The following CBX6 variants were observed in gnomAD, a reference collection of about 807,000 sequenced individuals.
CBX6 encodes the protein chromobox protein homolog 6.
In CBX6, 7 loss-of-function variants were observed where a neutral mutation model predicts 28.4. The observed-to-expected ratio is 0.25, with a 90% confidence interval of 0.14 to 0.46. CBX6 has a LOEUF of 0.46. CBX6 is among the 20% of genes least tolerant of loss of function. The pLI is 0.99. For missense variants in CBX6, 512 were observed against 606.1 expected (o/e 0.84, Z 1.63); for synonymous variants, 297 against 273.4 (o/e 1.09, Z -0.85).
rs776481963 is a variant in CBX6 at position 38,867,113 on chromosome 22, G to C, written c.335C>G (p.Ser112Cys). The C allele has an allele frequency of 6.3e-7, 1 of 1,591,170 alleles. No homozygotes were observed. The highest frequency in any genetic ancestry group is 8.5e-7 in the Non-Finnish European group (1 of 1,171,266). ...SASASSPKLH[S>C]SAAVHRLKKD... is the part of the protein sequence containing the mutation. ...CTTGAGCCGGTGCACGGCTGCGCTG[G>C]AGTGCAGCTTGGGCGAGGAGGCACT... Residue 112 changes from serine (S) to cysteine (C), a missense_variant, in exon 5 of 5, where the codon TCC becomes TGC. By Grantham distance (112) the Ser-to-Cys change is moderately radical. Around this residue, in one of 7 missense-constraint regions of CBX6, gnomAD observed 123 missense variants for 138.1 expected, o/e 0.89. Transcript: ENST00000407418.
chr22:38,871,422 TGCTGTGCCGGGGCTGGGGGCCCGA>T lies in CBX6; in HGVS notation c.246+34_246+57del. On this transcript the variant is annotated intron_variant, in intron 4 of 4. Coordinates refer to ENST00000407418, the MANE Select transcript of CBX6 (RefSeq NM_014292.5). The surrounding 1 kb of genome is among the most constrained non-coding windows in gnomAD (Gnocchi z 5.6). Reference sequence around the variant, plus strand: ...ATCTGTCCCTCCCTTCCAGGCCCCGTGCTGTGCCGGGGCTGGGGGCCCGAGAGGGGGATGCTGCTGGGGCTGGGC... The same window carrying T: ...ATCTGTCCCTCCCTTCCAGGCCCCGTGAGGGGGATGCTGCTGGGGCTGGGC... The T allele has an allele frequency of 6.6e-7, 1 of 1,506,878 alleles. No individual in the cohort carries two copies. The highest frequency in any genetic ancestry group is 1.2e-5 in the South Asian group (1 of 83,072). 93.3% of individuals were successfully genotyped at this position (1,506,878 alleles called of 1,614,324 possible). A position where few individuals can be genotyped will look rare whatever the true frequency, so the allele number is the denominator to read the frequency against.
rs1352645057 is a variant in CBX6 at position 38,871,943 on chromosome 22, T to A, written c.72A>T (p.Gly24=). 2.9e-5 allele frequency: 42 copies of A among 1,466,112 alleles called. No individual in the cohort carries two copies. In the East Asian group the frequency reaches 1.1e-3, roughly 37 times the overall value. 90.8% of individuals were successfully genotyped at this position (1,466,112 alleles called of 1,614,324 possible). A position where few individuals can be genotyped will look rare whatever the true frequency, so the allele number is the denominator to read the frequency against. ...TCCATTTCACCAGGTACTCGATGCG[T>A]CCCTGAAAAACAGAGGGGAGAAAAA... ...ESIIKRRIRK[G]RIEYLVKWKG... is the part of the protein sequence containing the mutation. The change falls in exon 2 of 5, where the codon GGA becomes GGT. Residue 24 remains glycine, a splice_region_variant and synonymous_variant. Transcript: ENST00000407418. The surrounding 1 kb of genome is among the most constrained non-coding windows in gnomAD (Gnocchi z 5.6).
In CBX6 at chr22:38,866,640, C is replaced by T; in HGVS notation, c.808G>A (p.Ala270Thr). ...CAGCCGGAGGAGCCAGAGCTGCGGGCGTCGTAGGGGGCGGCGGGGGCGGCC... is the reference window on the plus strand; with the variant it reads ...CAGCCGGAGGAGCCAGAGCTGCGGGTGTCGTAGGGGGCGGCGGGGGCGGCC... ...LLAAPAAPYDARSSGSSGCPS... is the reference protein window; with the variant it reads ...LLAAPAAPYDTRSSGSSGCPS... The change falls in exon 5 of 5, where the codon GCC becomes ACC. Residue 270 changes from alanine to threonine, a missense_variant. Ala to Thr is a moderately conservative substitution (Grantham distance 58). Coordinates refer to ENST00000407418, the MANE Select transcript of CBX6 (RefSeq NM_014292.5). This position sits in a 1 kb window ranked among gnomAD's most constrained non-coding sequence, Gnocchi z 7.5. 3 of 1,328,344 alleles carry T rather than the reference C, an allele frequency of 2.3e-6. No homozygotes were observed. Among genetic ancestry groups the T allele is most frequent in the South Asian group, 2.6e-5 (2 of 78,154 alleles). The allele number at this position is 1,328,344 out of a possible 1,614,324, so 82.3% of individuals were successfully genotyped here. A position where few individuals can be genotyped will look rare whatever the true frequency, so the allele number is the denominator to read the frequency against.
rs2093183325 is a variant in CBX6, at chr22:38,871,969, C to CGGGGGT, written c.70-30_70-25dup. 1.2e-5 allele frequency: 16 copies of CGGGGGT among 1,355,794 alleles called. No homozygotes were observed. Among genetic ancestry groups the CGGGGGT allele is most frequent in the African/African-American group, 5.9e-5 (4 of 67,790 alleles). 84.0% of individuals were successfully genotyped at this position (1,355,794 alleles called of 1,614,324 possible). A position where few individuals can be genotyped will look rare whatever the true frequency, so the allele number is the denominator to read the frequency against. ...CCCTGAAAAACAGAGGGGAGAAAAA[C>CGGGGGT]GGGGGTGGGGGTGGGGAGGATGCGG... On this transcript the variant is annotated intron_variant, in intron 1 of 4. Coordinates refer to ENST00000407418, the MANE Select transcript of CBX6 (RefSeq NM_014292.5). The surrounding 1 kb of genome is among the most constrained non-coding windows in gnomAD (Gnocchi z 5.6).
Position 38,872,117 on chromosome 22 carries a change from C to A in CBX6, c.69+5G>T. The A allele has an allele frequency of 7.2e-7, 1 of 1,394,468 alleles. No individual in the cohort carries two copies. The highest frequency in any genetic ancestry group is 9.4e-7 in the Non-Finnish European group (1 of 1,059,804). 86.4% of individuals were successfully genotyped at this position (1,394,468 alleles called of 1,614,324 possible). ...AGCGGCGGCCCGCCCCGGGCGGCGGCTCACCTTTCGGATCCGCCGTTTGAT... is the reference window on the plus strand; with the variant it reads ...AGCGGCGGCCCGCCCCGGGCGGCGGATCACCTTTCGGATCCGCCGTTTGAT... On this transcript the variant is annotated splice_donor_5th_base_variant and intron_variant, in intron 1 of 4. Transcript: ENST00000407418. The surrounding 1 kb of genome is among the most constrained non-coding windows in gnomAD (Gnocchi z 5.0).
Position 38,867,209 on chromosome 22 carries a change from C to T in CBX6, c.247-8G>A, listed in dbSNP as rs1273251198. 1.1e-6 allele frequency: 1 copy of T among 892,222 alleles called. No homozygotes were observed. The highest frequency in any genetic ancestry group is 1.6e-6 in the Non-Finnish European group (1 of 640,860). The allele number at this position is 892,222 out of a possible 1,614,324, so 55.3% of individuals were successfully genotyped here. On this transcript the variant is annotated splice_polypyrimidine_tract_variant and splice_region_variant and intron_variant, in intron 4 of 4. Transcript: ENST00000407418. ...CTCGGCCTGGGCCCGCGCCTGCGGGCAGAGGGAGGGGTGGGTGGGACCTCA... is the reference window on the plus strand; with the variant it reads ...CTCGGCCTGGGCCCGCGCCTGCGGGTAGAGGGAGGGGTGGGTGGGACCTCA...
rs1447268964 is a variant in CBX6 at position 38,866,746 on chromosome 22, C to T, written c.702G>A (p.Leu234=). 1 of 1,607,780 alleles carries T rather than the reference C, an allele frequency of 6.2e-7. No individual in the cohort carries two copies. Residue 234 remains leucine (L), a synonymous_variant, in exon 5 of 5, where the codon CTG becomes CTA. Transcript: ENST00000407418. The surrounding 1 kb of genome is among the most constrained non-coding windows in gnomAD (Gnocchi z 7.5). The part of the protein sequence containing the change: ...IRHMKFGAFA[L]YKPPPAPLVA... ...CCAGGGGGGCGGGCGGAGGCTTGTA[C>T]AGCGCAAAGGCGCCGAACTTCATGT...
At position 38,865,591 on chromosome 22, in the gene CBX6, G is replaced by A. The variant is rs901883418; in HGVS notation, c.*618C>T. 6.5e-6 allele frequency: 1 copy of A among 153,006 alleles called. No individual in the cohort carries two copies. The highest frequency in any genetic ancestry group is 1.5e-5 in the Non-Finnish European group (1 of 68,318). The allele number at this position is 153,006 out of a possible 1,614,324, so 9.5% of individuals were successfully genotyped here. A position where few individuals can be genotyped will look rare whatever the true frequency, so the allele number is the denominator to read the frequency against. Reference sequence around the variant, plus strand: ...CTGCCAGTTCCTCCCACCGTTGAGGGGGTTAGGAAAGAGCCAGGGCTGGGG... The same window carrying A: ...CTGCCAGTTCCTCCCACCGTTGAGGAGGTTAGGAAAGAGCCAGGGCTGGGG... On this transcript the variant is annotated 3_prime_UTR_variant, in exon 5 of 5. Coordinates refer to ENST00000407418, the MANE Select transcript of CBX6 (RefSeq NM_014292.5).
chr22:38,867,952 T>G (rs2146214414), intron 4 of CBX6, among the ~76,000 whole-genome samples: 1 of 152,344 alleles, frequency 6.6e-6, no homozygotes, highest in South Asian at 2.1e-4. Context: ...CACTGCCTAT[T>G]CTCTGTGCCA....
Position 38,862,572 on chromosome 22 carries a change from G to GA in CBX6, c.*3636dup, listed in dbSNP as rs1249919905. 7 of 71,402 alleles carry GA rather than the reference G, an allele frequency of 9.8e-5. No individual in the cohort carries two copies. Among genetic ancestry groups the GA allele is most frequent in the African/African-American group, 3.8e-4 (7 of 18,568 alleles). The allele number at this position is 71,402 out of a possible 1,614,324, so 4.4% of individuals were successfully genotyped here. ...AAAGAAAGAAAAAAGAAAAACAAAA[G>GA]AAAAAAGAAAAACCACCACAAACCA... On this transcript the variant is annotated 3_prime_UTR_variant, in exon 5 of 5. Coordinates refer to ENST00000407418, the MANE Select transcript of CBX6 (RefSeq NM_014292.5).
In CBX6 at chr22:38,866,539, G is replaced by A. The variant is rs761801572; in HGVS notation, c.909C>T (p.Ser303=). Residue 303 remains serine, a synonymous_variant, in exon 5 of 5, where the codon TCC becomes TCT. Coordinates refer to ENST00000407418, the MANE Select transcript of CBX6 (RefSeq NM_014292.5). This position sits in a 1 kb window ranked among gnomAD's most constrained non-coding sequence, Gnocchi z 7.5. ...CCTCCGGCTCGCGCCAGCTGGGGGC[G>A]GATGGGCTCACGGTCTCGGGGAGGA... The part of the protein sequence containing the change: ...PKLLPETVSP[S]APSWREPEVL... 26 of 1,580,038 alleles carry A rather than the reference G, an allele frequency of 1.6e-5. No individual in the cohort carries two copies. The highest frequency in any genetic ancestry group is 2.7e-5 in the African/African-American group (2 of 74,628).
intron 4 of CBX6, among the ~76,000 whole-genome samples, chr22:38,869,057 C>T (rs2093176652): frequency 6.6e-6 from 1 of 152,188 alleles, no homozygotes; most frequent in Admixed American, 6.5e-5. Flanking sequence ...TGAAGCCGGG[C>T]CTGCCCATGC....
intron 4 of CBX6, 67 bp from the exon 5 acceptor site, chr22:38,867,268 C>T (rs941556630): frequency 2.8e-6 from 4 of 1,422,124 alleles, no homozygotes; most frequent in African/African-American, 1.4e-5. Flanking sequence ...GATGTCCCTA[C>T]GCCAGCCAGC....
At position 38,866,653 on chromosome 22, in the gene CBX6, G is replaced by A. The variant is rs768068138; in HGVS notation, c.795C>T (p.Ala265=). The stretch of plus-strand genomic sequence containing the variant: ...CAGAGCTGCGGGCGTCGTAGGGGGC[G>A]GCGGGGGCGGCCAGAAGTAGCCCAG... ...PGPGLLLAAP[A]APYDARSSGS... The change falls in exon 5 of 5, where the codon GCC becomes GCT. Residue 265 remains alanine (A), a synonymous_variant. Coordinates refer to ENST00000407418, the MANE Select transcript of CBX6 (RefSeq NM_014292.5). The surrounding 1 kb of genome is among the most constrained non-coding windows in gnomAD (Gnocchi z 7.5). 33 of 1,530,612 alleles carry A rather than the reference G, an allele frequency of 2.2e-5. No homozygotes were observed. The highest frequency in any genetic ancestry group is 2.9e-5 in the Non-Finnish European group (33 of 1,143,694). The allele number at this position is 1,530,612 out of a possible 1,614,324, so 94.8% of individuals were successfully genotyped here.
Position 38,866,406 on chromosome 22 carries a change from C to T in CBX6, c.1042G>A (p.Gly348Ser), listed in dbSNP as rs148315120. 4.0e-4 allele frequency: 640 copies of T among 1,612,590 alleles called. 5 individuals carry two copies. The African/African-American group carries it at 7.9e-3, about 20-fold the overall frequency. Reference sequence around the variant, plus strand: ...CCAGCCTCGGGCTCGGAGGAGGCACCGGCGGGCTCAGGGGCCGTGGGAGGT... The same window carrying T: ...CCAGCCTCGGGCTCGGAGGAGGCACTGGCGGGCTCAGGGGCCGTGGGAGGT... ...PAPPTAPEPA[G>S]ASSEPEAGDW... The change falls in exon 5 of 5, where the codon GGT (glycine) becomes AGT (serine). Residue 348 changes from glycine (G) to serine (S), a missense_variant. By Grantham distance (56) the Gly-to-Ser change is moderately conservative. Coordinates refer to ENST00000407418, the MANE Select transcript of CBX6 (RefSeq NM_014292.5). This position sits in a 1 kb window ranked among gnomAD's most constrained non-coding sequence, Gnocchi z 7.5.
At chr22:38,867,755 G>T (rs1421710355) in intron 4 of CBX6, among the ~76,000 whole-genome samples, 1 of 152,208 alleles carries the variant, frequency 6.6e-6, no homozygotes, top group Admixed American at 6.5e-5. Context: ...GCTGACCTCC[G>T]GCTCCAGCCT....
At chr22:38,867,716 A>G (rs975715542) in intron 4 of CBX6, among the ~76,000 whole-genome samples, 3 of 152,142 alleles carry the variant, frequency 2.0e-5, no homozygotes, top group African/African-American at 4.8e-5. Context: ...CATGTCCCCA[A>G]TGCCCCGTAC....
rs74361001 is a variant in CBX6, at chr22:38,871,569, G to T, written c.180-23C>A. 6.8e-6 allele frequency: 11 copies of T among 1,613,472 alleles called. No individual in the cohort carries two copies. In the East Asian group the frequency reaches 2.2e-4, roughly 33 times the overall value. On this transcript the variant is annotated intron_variant, in intron 3 of 4. Transcript: ENST00000407418. The surrounding 1 kb of genome is among the most constrained non-coding windows in gnomAD (Gnocchi z 5.6). ...TCCCTGCGGCCGAAAAACACCAGAGGTTAAAAAGAGCCCCTTCCCGGGCCC... is the reference window on the plus strand; with the variant it reads ...TCCCTGCGGCCGAAAAACACCAGAGTTTAAAAAGAGCCCCTTCCCGGGCCC...
In CBX6 at chr22:38,871,235, G is replaced by C; in HGVS notation, c.246+245C>G. 1 of 587,602 alleles carries C rather than the reference G, an allele frequency of 1.7e-6. No individual in the cohort carries two copies. The highest frequency in any genetic ancestry group is 2.0e-5 in the South Asian group (1 of 49,560). The allele number at this position is 587,602 out of a possible 1,614,324, so 36.4% of individuals were successfully genotyped here. A position where few individuals can be genotyped will look rare whatever the true frequency, so the allele number is the denominator to read the frequency against. ...TCCTGGAGCCCTAAAGGCATCCCCA[G>C]CCCCTGGTTTCAACAGGGAGGATTA... is the stretch of plus-strand genomic sequence containing the variant. On this transcript the variant is annotated intron_variant, in intron 4 of 4. Transcript: ENST00000407418. This position sits in a 1 kb window ranked among gnomAD's most constrained non-coding sequence, Gnocchi z 5.6.
Sources: allele counts gnomAD v4.1 joint callset (sites outside exome capture counted in the v4.1 genomes callset), GRCh38; gene constraint gnomAD v4.1.1; regional missense constraint gnomAD v4.1.1; non-coding constraint Gnocchi (gnomAD v3.1); transcripts MANE v1.5; gene names NCBI Gene and HGNC (gene_info 2026-07-23, HGNC 2026-07-21).